The following TBC1D5 variants were observed in gnomAD, a reference collection of about 807,000 sequenced individuals.
The protein encoded by TBC1D5 is TBC1 domain family member 5, also known as TBC1 domain family, member 5.
TBC1D5 carries 75 observed loss-of-function variants against 100.3 expected under a neutral mutation model. That is an observed-to-expected ratio of 0.75 (90% CI 0.62 to 0.91). The LOEUF (loss-of-function observed/expected upper bound fraction) is 0.91, where lower values mean the gene tolerates loss of function less well. TBC1D5 is among the 40% of genes least tolerant of loss of function. The probability of loss-of-function intolerance (pLI) is 0.00; values close to 1 mark genes in which losing one functional copy is unlikely to be tolerated. For missense variants in TBC1D5, 910 were observed against 942.4 expected (o/e 0.97, Z 0.45); for synonymous variants, 323 against 325.6 (o/e 0.99, Z 0.09).
At chr3:17,673,489 T>C (rs901330499) in intron 1 of TBC1D5, among the ~76,000 whole-genome samples, 2 of 107,930 alleles carry the variant, frequency 1.9e-5, no homozygotes, top group African/African-American at 2.8e-5. Flanking sequence ...GTTTGTATTT[T>C]TTTTTTTGCA....
intron 14 of TBC1D5, among the ~76,000 whole-genome samples, chr3:17,302,763 A>C (rs115087295): frequency 6.6e-6 from 1 of 152,202 alleles, no homozygotes; most frequent in Admixed American, 6.5e-5. Context: ...AGTTTCCCTC[A>C]GATGAAACAT....
intron 1 of TBC1D5, among the ~76,000 whole-genome samples, chr3:17,655,861 TA>T (rs2066013578): frequency 6.6e-6 from 1 of 152,194 alleles, no homozygotes; most frequent in Non-Finnish European, 1.5e-5. Context: ...TACAGACATT[TA>T]AATAAAGAAC....
chr3:17,247,549 T>C (rs575838169), intron 16 of TBC1D5, among the ~76,000 whole-genome samples: 5 of 152,338 alleles, frequency 3.3e-5, no homozygotes, highest in African/African-American at 1.2e-4. Context: ...TGATGGCTTG[T>C]GACTAATCAG....
chr3:17,568,058 A>G (rs1421268746), intron 2 of TBC1D5, among the ~76,000 whole-genome samples: 1 of 151,568 alleles, frequency 6.6e-6, no homozygotes, highest in Non-Finnish European at 1.5e-5. Context: ...TTTGATAATA[A>G]TGTTCTAGCA....
chr3:17,624,868 C>T (rs911328392), intron 1 of TBC1D5, among the ~76,000 whole-genome samples: 6 of 152,122 alleles, frequency 3.9e-5, no homozygotes, highest in Non-Finnish European at 5.9e-5. Flanking sequence ...TAAAACAACA[C>T]GTAACTTTTA....
intron 1 of TBC1D5, among the ~76,000 whole-genome samples, chr3:17,644,522 A>C (rs2064831316): frequency 6.6e-6 from 1 of 152,172 alleles, no homozygotes; most frequent in Non-Finnish European, 1.5e-5. Flanking sequence ...ACAAATATTA[A>C]TGAGTAAGTA....
intron 21 of TBC1D5, among the ~76,000 whole-genome samples, chr3:17,162,343 G>A (rs764856467): frequency 1.6e-4 from 24 of 152,236 alleles, no homozygotes; most frequent in Non-Finnish European, 2.9e-4. Context: ...GAGCCAAGAA[G>A]GGGAATGAGT....
intron 13 of TBC1D5, among the ~76,000 whole-genome samples, chr3:17,345,099 C>T (rs1439443707): frequency 6.6e-6 from 1 of 151,986 alleles, no homozygotes; most frequent in Admixed American, 6.6e-5. Context: ...AGCTTCTGCA[C>T]AGCAAAAGAA....
intron 2 of TBC1D5, among the ~76,000 whole-genome samples, chr3:17,556,146 C>T (rs1015616563): frequency 6.6e-6 from 1 of 152,038 alleles, no homozygotes; most frequent in African/African-American, 2.4e-5. Context: ...TCCCAAGTAG[C>T]TGGGACTACA....
chr3:17,518,374 A>G (rs2096018165), intron 2 of TBC1D5, among the ~76,000 whole-genome samples: 1 of 152,224 alleles, frequency 6.6e-6, no homozygotes, highest in South Asian at 2.1e-4. Flanking sequence ...GCTGATGCAG[A>G]GGACTACGAC....
chr3:17,659,515 A>C (rs1372969134), intron 1 of TBC1D5, among the ~76,000 whole-genome samples: 1 of 152,124 alleles, frequency 6.6e-6, no homozygotes, highest in Non-Finnish European at 1.5e-5. Context: ...CTAGTTGCGT[A>C]TCAACCTATT....
At chr3:17,735,092 T>TA (rs909910315) in intron 1 of TBC1D5, among the ~76,000 whole-genome samples, 8 of 151,802 alleles carry the variant, frequency 5.3e-5, no homozygotes, top group African/African-American at 1.9e-4. Context: ...GACCTTGTCT[T>TA]AAAAAAAATA....
At chr3:17,387,102 A>G (rs559908661) in intron 8 of TBC1D5, among the ~76,000 whole-genome samples, 1 of 152,280 alleles carries the variant, frequency 6.6e-6, no homozygotes, top group South Asian at 2.1e-4. Flanking sequence ...TCTTTAAATG[A>G]TGAAGAATCC....
intron 13 of TBC1D5, among the ~76,000 whole-genome samples, chr3:17,346,335 G>C (rs2089871807): frequency 6.6e-6 from 1 of 151,998 alleles, no homozygotes; most frequent in African/African-American, 2.4e-5. Context: ...GCTTTAATTA[G>C]CATGGTTTTG....
At chr3:17,348,444 G>A (rs2090171467) in intron 13 of TBC1D5, among the ~76,000 whole-genome samples, 1 of 152,192 alleles carries the variant, frequency 6.6e-6, no homozygotes, top group Non-Finnish European at 1.5e-5. Flanking sequence ...CACCAAGTTT[G>A]CAGGTGACGC....
chr3:17,495,929 C>CT (rs1021607599), intron 3 of TBC1D5, among the ~76,000 whole-genome samples: 1 of 152,154 alleles, frequency 6.6e-6, no homozygotes, highest in African/African-American at 2.4e-5. Context: ...GTATGTTCCC[C>CT]TTCTTAACTA....
chr3:17,195,318 T>C (rs1215447375), intron 18 of TBC1D5, among the ~76,000 whole-genome samples: 1 of 152,216 alleles, frequency 6.6e-6, no homozygotes, highest in Admixed American at 6.5e-5. Context: ...ACACAGATGT[T>C]ACTCTACTTA....
chr3:17,651,260 A>G (rs1169631594), intron 1 of TBC1D5, among the ~76,000 whole-genome samples: 2 of 152,208 alleles, frequency 1.3e-5, no homozygotes, highest in African/African-American at 4.8e-5. Flanking sequence ...TTATGGAAAA[A>G]TAAGAAAAAT....
exon 5 of TBC1D5, chr3:17,406,448 T>C: frequency 6.2e-7 from 1 of 1,611,012 alleles, no homozygotes; most frequent in Non-Finnish European, 8.5e-7. Context: ...ACCTGCTGCT[T>C]CTCAGCTGCC....
Sources: gnomAD v4.1 joint callset for allele counts (sites outside exome capture counted in the v4.1 genomes callset) on GRCh38, gnomAD v4.1.1 for gene constraint, MANE v1.5 for transcripts, NCBI Gene and HGNC (gene_info 2026-07-23, HGNC 2026-07-21) for gene names.